MAP7D2: variants seen among roughly 807,000 people sequenced by gnomAD.
MAP7D2 encodes the protein MAP7 domain-containing protein 2.
In MAP7D2, 33 loss-of-function variants were observed where a neutral mutation model predicts 63.5. The observed-to-expected ratio is 0.52, with a 90% CI of 0.39 to 0.70. MAP7D2 has a LOEUF of 0.70. MAP7D2 is among the 30% of genes least tolerant of loss of function. The pLI, the probability that MAP7D2 is intolerant of heterozygous loss-of-function variation, is 0.00. For missense variants in MAP7D2, 626 were observed against 604.0 expected (o/e 1.04, Z -0.38); for synonymous variants, 224 against 223.7 (o/e 1.00, Z -0.01).
chrX:20,048,924 AATACAT>A (rs1481107753), intron 6 of MAP7D2, among the ~76,000 whole-genome samples: 1 of 109,856 alleles, frequency 9.1e-6, no homozygotes, highest in African/African-American at 3.3e-5. Context: ...CCTGTCTTTA[AATACAT>A]ATACATATAT....
chrX:20,019,473 G>A (rs1169602907), intron 10 of MAP7D2, among the ~76,000 whole-genome samples: 1 of 111,677 alleles, frequency 9.0e-6, no homozygotes, highest in African/African-American at 3.3e-5. Flanking sequence ...CCTTGTCCCT[G>A]TCACTGGCCA....
At chrX:20,115,079 A>C (rs1489333332) in intron 1 of MAP7D2, among the ~76,000 whole-genome samples, 1 of 110,751 alleles carries the variant, frequency 9.0e-6, no homozygotes, top group Non-Finnish European at 1.9e-5. Context: ...CTTCACACAT[A>C]TTTTTCTATA....
chrX:20,013,513 T>C lies in MAP7D2; in HGVS notation c.1806+56A>G, dbSNP rs2073273503. 1.1e-5 allele frequency: 11 copies of C among 995,743 alleles called. No homozygotes were observed. In the Middle Eastern group the frequency reaches 8.4e-4, roughly 76 times the overall value. The allele number at this position is 995,743 out of a possible 1,213,427, so 82.1% of individuals were successfully genotyped here. On this transcript the variant is annotated intron_variant, in intron 13 of 16. Coordinates refer to ENST00000379643, the MANE Select transcript of MAP7D2 (RefSeq NM_001168465.2). ...ACCTACAATTTCACTGAGTGTATTC[T>C]GCTGTTCTTTTCTACTTAGTACATA... is the stretch of plus-strand genomic sequence containing the variant.
intron 1 of MAP7D2, among the ~76,000 whole-genome samples, chrX:20,114,095 G>C (rs961881700): frequency 8.9e-6 from 1 of 111,851 alleles, no homozygotes; most frequent in African/African-American, 3.3e-5. Flanking sequence ...GTACAGTGGC[G>C]CGAGGTCAGC....
intron 7 of MAP7D2, among the ~76,000 whole-genome samples, chrX:20,043,633 C>A (rs770079057): frequency 8.9e-6 from 1 of 112,467 alleles, no homozygotes; most frequent in East Asian, 2.8e-4. Context: ...TGTACCAGAA[C>A]CACTAAGTCA....
chrX:20,085,257 AGAG>A (rs967158145), intron 1 of MAP7D2, among the ~76,000 whole-genome samples: 2 of 112,367 alleles, frequency 1.8e-5, no homozygotes, highest in African/African-American at 6.5e-5. Context: ...GGCACAGGAA[AGAG>A]GAGAAGAAGG....
At chrX:20,098,561 G>A (rs1015436068) in intron 1 of MAP7D2, among the ~76,000 whole-genome samples, 5 of 111,192 alleles carry the variant, frequency 4.5e-5, no homozygotes, top group East Asian at 2.8e-4. Flanking sequence ...ACACGGTGGG[G>A]GGGGGAGCGG....
At chrX:20,064,505 G>A (rs777031202) in intron 2 of MAP7D2, among the ~76,000 whole-genome samples, 1 of 112,205 alleles carries the variant, frequency 8.9e-6, no homozygotes, top group Admixed American at 9.4e-5. Flanking sequence ...CCCTAACACA[G>A]TGGCTAGAAC....
intron 6 of MAP7D2, among the ~76,000 whole-genome samples, chrX:20,045,098 T>A (rs955206952): frequency 9.0e-6 from 1 of 111,266 alleles, no homozygotes; most frequent in African/African-American, 3.3e-5. Flanking sequence ...CTAGCCAACT[T>A]CCCAGCCTGG....
intron 1 of MAP7D2, among the ~76,000 whole-genome samples, chrX:20,114,324 G>A (rs758234110): frequency 8.9e-6 from 1 of 112,800 alleles, no homozygotes; most frequent in Non-Finnish European, 1.9e-5. Flanking sequence ...TGGTGGCGCA[G>A]AAGTTGCAGT....
At chrX:20,023,037 C>T (rs1464786038) in intron 10 of MAP7D2, among the ~76,000 whole-genome samples, 3 of 111,874 alleles carry the variant, frequency 2.7e-5, no homozygotes, top group Non-Finnish European at 5.6e-5. Context: ...ACAATGCAGC[C>T]CTAGACAGAG....
rs967410039 is a variant in MAP7D2, at chrX:20,063,500, G to C, written c.286C>G (p.Arg96Gly). The C allele has an allele frequency of 2.5e-6, 3 of 1,210,165 alleles. No individual in the cohort carries two copies. Among genetic ancestry groups the C allele is most frequent in the African/African-American group, 3.5e-5 (2 of 57,314 alleles). Residue 96 changes from arginine (R) to glycine (G), a missense_variant, in exon 3 of 17, where the codon CGA (arginine) becomes GGA (glycine). By Grantham distance (125) the Arg-to-Gly change is moderately radical (BLOSUM62 -2). Transcript: ENST00000379643. ...QYEKQMEERW[R>G]KLEEQRQRED... The stretch of plus-strand genomic sequence containing the variant: ...CGCTGCCGCTGCTCTTCCAGTTTTC[G>C]CCATCGCTCCTCCATTTGCTTTTCG...
chrX:20,027,507 T>G (rs2148195737), intron 8 of MAP7D2, among the ~76,000 whole-genome samples: 1 of 111,489 alleles, frequency 9.0e-6, no homozygotes, highest in South Asian at 3.8e-4. Context: ...GGGGTTGTCC[T>G]GGGCACTGTG....
intron 1 of MAP7D2, among the ~76,000 whole-genome samples, chrX:20,092,388 G>A (rs754046383): frequency 9.0e-6 from 1 of 111,463 alleles, no homozygotes; most frequent in South Asian, 3.8e-4. Flanking sequence ...GGACGAAGTT[G>A]AAGTTCCTTT....
intron 1 of MAP7D2, among the ~76,000 whole-genome samples, chrX:20,099,225 G>A (rs184788926): frequency 0.01 from 861 of 84,844 alleles, 13 homozygotes; most frequent in African/African-American, 0.036. Context: ...CTGCCACACT[G>A]CAAGTTTATA....
At chrX:20,099,011 C>G (rs1175249256) in intron 1 of MAP7D2, among the ~76,000 whole-genome samples, 1 of 112,878 alleles carries the variant, frequency 8.9e-6, no homozygotes, top group African/African-American at 3.2e-5. Context: ...TCAGATCAGC[C>G]TGTGAACCAC....
intron 10 of MAP7D2, among the ~76,000 whole-genome samples, chrX:20,017,588 G>C (rs1179358430): frequency 1.8e-5 from 2 of 112,255 alleles, no homozygotes; most frequent in Admixed American, 1.9e-4. Context: ...AAATATATTA[G>C]CCTGAGACTG....
chrX:20,026,066 A>ATG, intron 8 of MAP7D2, 114 bp from the exon 9 acceptor site: 9 of 849,055 alleles, frequency 1.1e-5, no homozygotes, highest in African/African-American at 4.0e-5. Flanking sequence ...CAGAGGAAGG[A>ATG]AAATAGGGCT....
At chrX:20,050,539 CCACACCGTCT>C (rs2064918450) in intron 6 of MAP7D2, among the ~76,000 whole-genome samples, 1 of 111,761 alleles carries the variant, frequency 8.9e-6, no homozygotes, top group Non-Finnish European at 1.9e-5. Context: ...GGCTGTTTTG[CCACACCGTCT>C]CTTAAGAAAA....
Sources: allele counts gnomAD v4.1 joint callset (sites outside exome capture counted in the v4.1 genomes callset), GRCh38; gene constraint gnomAD v4.1.1; transcripts MANE v1.5; gene names NCBI Gene and HGNC (gene_info 2026-07-23, HGNC 2026-07-21).